The following TNFSF10 variants were observed in gnomAD, a reference collection of about 807,000 sequenced individuals.
TNFSF10 encodes the protein tumor necrosis factor ligand superfamily member 10.
Under a neutral mutation model 29.5 loss-of-function variants are expected in TNFSF10, and 13 were observed. That is an observed-to-expected ratio of 0.44 (90% CI 0.29 to 0.70). TNFSF10 has a LOEUF of 0.70. Among genes scored for constraint, TNFSF10 ranks in the 30% least tolerant of loss-of-function variants. TNFSF10 has a pLI of 0.13. For missense variants in TNFSF10, 345 were observed against 330.9 expected, an observed-to-expected ratio of 1.04 and a Z score of -0.33; for synonymous variants, 111 against 112.8, an observed-to-expected ratio of 0.98 and a Z score of 0.10.
intron 4 of TNFSF10, chr3:172,507,467 A>G (rs1713033843): frequency 6.6e-6 from 1 of 152,158 alleles, no homozygotes; most frequent in Non-Finnish European, 1.5e-5. Context: ...AAAATAATAG[A>G]GGCACAAAGT....
chr3:172,521,611 A>G (rs1713700796), intron 1 of TNFSF10, among the ~76,000 whole-genome samples: 1 of 152,226 alleles, frequency 6.6e-6, no homozygotes, highest in Admixed American at 6.5e-5. Flanking sequence ...GGGAGTATAA[A>G]TTAGTTCAAC....
intron 4 of TNFSF10, among the ~76,000 whole-genome samples, chr3:172,508,462 G>C (rs529933329): frequency 4.3e-4 from 64 of 147,654 alleles, no homozygotes; most frequent in African/African-American, 1.7e-3. Context: ...ATCTCCTGTG[G>C]TTTAATTTAA....
In TNFSF10 at chr3:172,514,954, T is replaced by C; in HGVS notation, c.177A>G (p.Lys59=). The change falls in exon 2 of 5, where the codon AAA becomes AAG. Residue 59 remains lysine (K), a synonymous_variant. Transcript: ENST00000241261. Reference sequence around the variant, plus strand: ...TGGGGTCCCAATAACTGTCATCTTCTTTTAAGAAACAAGCAATGCCACTTT... The same window carrying C: ...TGGGGTCCCAATAACTGTCATCTTCCTTTAAGAAACAAGCAATGCCACTTT... ...YSKSGIACFL[K]EDDSYWDPND... is the part of the protein sequence containing the mutation. 1 of 1,614,212 alleles carries C rather than the reference T, an allele frequency of 6.2e-7. No individual in the cohort carries two copies. Among genetic ancestry groups the C allele is most frequent in the Non-Finnish European group, 8.5e-7 (1 of 1,180,018 alleles).
chr3:172,516,878 A>G (rs1246288168), intron 1 of TNFSF10, among the ~76,000 whole-genome samples: 1 of 152,240 alleles, frequency 6.6e-6, no homozygotes, highest in Non-Finnish European at 1.5e-5. Flanking sequence ...GAAGGAAGAG[A>G]CGAGAAACTG....
intron 1 of TNFSF10, among the ~76,000 whole-genome samples, chr3:172,515,405 C>T (rs762128152): frequency 1.1e-4 from 16 of 152,116 alleles, no homozygotes; most frequent in Non-Finnish European, 2.2e-4. Context: ...TGGAAACCTA[C>T]CTAGATACAA....
Position 172,506,729 on chromosome 3 carries a change from G to T in TNFSF10, c.609C>A (p.Asp203Glu), listed in dbSNP as rs376937785. 1.0e-4 allele frequency: 168 copies of T among 1,614,038 alleles called. No homozygotes were observed. Among genetic ancestry groups the T allele is most frequent in the Middle Eastern group, 1.6e-4 (1 of 6,084 alleles). ...QEEIKENTKN[D>E]KQMVQYIYKY... The stretch of plus-strand genomic sequence containing the variant: ...TGTAAATATATTGGACCATTTGTTT[G>T]TCGTTCTTTGTGTTTTCTTTTATTT... Residue 203 changes from aspartate to glutamate, a missense_variant, in exon 5 of 5, where the codon GAC (aspartate) becomes GAA (glutamate). Physicochemically the swap from Asp to Glu is conservative, Grantham distance 45 (BLOSUM62 2). Coordinates refer to ENST00000241261, the MANE Select transcript of TNFSF10 (RefSeq NM_003810.4).
At chr3:172,523,173 G>GCTTT (rs1713779267) in intron 1 of TNFSF10, 80 bp downstream of exon 1, 5 of 1,472,978 alleles carry the variant, frequency 3.4e-6, no homozygotes, top group African/African-American at 1.4e-5. Flanking sequence ...TTCAGAGAGG[G>GCTTT]GCAAGCTGAC....
Position 172,514,979 on chromosome 3 carries a change from T to C in TNFSF10, c.152A>G (p.Lys51Arg). 6 of 1,614,146 alleles carry C rather than the reference T, an allele frequency of 3.7e-6. No homozygotes were observed. In the Admixed American group the frequency reaches 1.0e-4, roughly 27 times the overall value. Reference protein sequence around the residue: ...ELKQMQDKYSKSGIACFLKED... With the variant: ...ELKQMQDKYSRSGIACFLKED... The stretch of plus-strand genomic sequence containing the variant: ...TTTTAAGAAACAAGCAATGCCACTT[T>C]TGGAGTACTTGTCCTGCATCTGGGT... Residue 51 changes from lysine to arginine, a missense_variant, in exon 2 of 5, where the codon AAA (lysine) becomes AGA (arginine). Coordinates refer to ENST00000241261, the MANE Select transcript of TNFSF10 (RefSeq NM_003810.4).
intron 1 of TNFSF10, among the ~76,000 whole-genome samples, chr3:172,520,623 C>T (rs1262967938): frequency 2.6e-5 from 4 of 152,194 alleles, no homozygotes; most frequent in Non-Finnish European, 5.9e-5. Context: ...GAAGGCTGTT[C>T]ATTCACTCAA....
chr3:172,507,673 A>T (rs1385846135), intron 4 of TNFSF10, among the ~76,000 whole-genome samples: 1 of 152,204 alleles, frequency 6.6e-6, no homozygotes, highest in East Asian at 1.9e-4. Flanking sequence ...TAACATCATA[A>T]TAATCCCCTC....
chr3:172,509,382 T>C lies in TNFSF10; in HGVS notation c.314-61A>G. 2.3e-6 allele frequency: 3 copies of C among 1,315,708 alleles called. No individual in the cohort carries two copies. The South Asian group carries it at 3.8e-5, about 17-fold the overall frequency. The allele number at this position is 1,315,708 out of a possible 1,614,324, so 81.5% of individuals were successfully genotyped here. On this transcript the variant is annotated intron_variant, in intron 3 of 4. Coordinates refer to ENST00000241261, the MANE Select transcript of TNFSF10 (RefSeq NM_003810.4). ...CCAAACTAGTTCTCCAATACCTTGC[T>C]CTTCATAGGTGTTGTCAATCAGCCA... is the stretch of plus-strand genomic sequence containing the variant.
Position 172,506,389 on chromosome 3 carries a change from CTGTT to C in TNFSF10, c.*99_*102del, listed in dbSNP as rs916932287. The C allele has an allele frequency of 6.4e-6, 9 of 1,398,446 alleles. No homozygotes were observed. The African/African-American group carries it at 7.3e-5, about 11-fold the overall frequency. The allele number at this position is 1,398,446 out of a possible 1,614,324, so 86.6% of individuals were successfully genotyped here. On this transcript the variant is annotated 3_prime_UTR_variant, in exon 5 of 5. Transcript: ENST00000241261. ...TAGAGGTTTTTTTGTTTTCTGTTTT[CTGTT>C]TGTTTGTTTTGGTCAGATTTTTTGA...
intron 4 of TNFSF10, among the ~76,000 whole-genome samples, chr3:172,508,655 C>T (rs1255173535): frequency 3.9e-5 from 6 of 151,972 alleles, no homozygotes; most frequent in South Asian, 2.1e-4. Flanking sequence ...TTTGGGAGGC[C>T]GAGGTGGGCG....
chr3:172,509,435 G>T, intron 3 of TNFSF10, 114 bp from the exon 4 acceptor site: 1 of 641,318 alleles, frequency 1.6e-6, no homozygotes, highest in Non-Finnish European at 2.6e-6. Context: ...TTCCAAAGTT[G>T]ATTCTATGAG....
intron 2 of TNFSF10, among the ~76,000 whole-genome samples, chr3:172,513,465 G>A (rs1030385961): frequency 6.6e-6 from 1 of 152,178 alleles, no homozygotes; most frequent in Non-Finnish European, 1.5e-5. Context: ...GTGTGGAGTG[G>A]GCCCCCCTGT....
At chr3:172,512,885 A>G (rs1258765941) in intron 2 of TNFSF10, among the ~76,000 whole-genome samples, 7 of 152,248 alleles carry the variant, frequency 4.6e-5, no homozygotes, top group Admixed American at 3.9e-4. Context: ...CAAGTTATTT[A>G]ACTGATCTAA....
intron 2 of TNFSF10, among the ~76,000 whole-genome samples, chr3:172,514,585 TA>T (rs1197269031): frequency 1.3e-5 from 2 of 152,186 alleles, no homozygotes; most frequent in Admixed American, 1.3e-4. Context: ...TCAGTTTCCA[TA>T]ATGTGAGATC....
intron 1 of TNFSF10, among the ~76,000 whole-genome samples, chr3:172,516,916 T>G (rs1383870143): frequency 6.6e-6 from 1 of 152,196 alleles, no homozygotes; most frequent in Non-Finnish European, 1.5e-5. Flanking sequence ...CGAGGGTGGT[T>G]CCAGGAAGAG....
intron 1 of TNFSF10, among the ~76,000 whole-genome samples, chr3:172,516,470 C>G (rs1263241641): frequency 6.6e-6 from 1 of 152,180 alleles, no homozygotes; most frequent in Admixed American, 6.5e-5. Context: ...TAGAATCACA[C>G]AGTTCTGTAC....
Sources: gnomAD v4.1 joint callset for allele counts (sites outside exome capture counted in the v4.1 genomes callset) on GRCh38, gnomAD v4.1.1 for gene constraint, MANE v1.5 for transcripts, NCBI Gene and HGNC (gene_info 2026-07-23, HGNC 2026-07-21) for gene names.